The following GGA2 variants were observed in gnomAD, a reference collection of about 807,000 sequenced individuals.
GGA2 encodes golgi associated, gamma adaptin ear containing, ARF binding protein 2, also known as ADP-ribosylation factor-binding protein GGA2.
In GGA2, 48 loss-of-function variants were observed where a neutral mutation model predicts 79.5. That is an observed-to-expected ratio of 0.60 (90% CI 0.48 to 0.77). GGA2 has a LOEUF of 0.77. GGA2 is among the 30% of genes least tolerant of loss of function. The pLI, the probability that GGA2 is intolerant of heterozygous loss-of-function variation, is 0.00. For synonymous variants in GGA2, 317 were observed against 302.0 expected (o/e 1.05, Z -0.51); for missense variants, 770 against 774.0 (o/e 0.99, Z 0.06).
At chr16:23,474,629 C>G (rs1201048850) in intron 14 of GGA2, among the ~76,000 whole-genome samples, 1 of 151,542 alleles carries the variant, frequency 6.6e-6, no homozygotes, top group Non-Finnish European at 1.5e-5. Flanking sequence ...TTTTTTTCTT[C>G]CCCCCCAAAT....
chr16:23,469,128 G>A (rs1260001999), intron 15 of GGA2, 132 bp from the exon 16 acceptor site: 6 of 601,352 alleles, frequency 1.0e-5, no homozygotes, highest in Middle Eastern at 4.4e-4. Flanking sequence ...GTGGTACCCC[G>A]AGGCACCTAT....
chr16:23,515,743 C>T (rs1205721894), intron 2 of GGA2, among the ~76,000 whole-genome samples: 1 of 152,180 alleles, frequency 6.6e-6, no homozygotes, highest in Non-Finnish European at 1.5e-5. Context: ...ATCTACACTA[C>T]TGGCTCTCCA....
chr16:23,501,931 G>A (rs1377246994), intron 1 of GGA2, among the ~76,000 whole-genome samples: 2 of 152,112 alleles, frequency 1.3e-5, no homozygotes, highest in Admixed American at 1.3e-4. Flanking sequence ...CAACTCTTGG[G>A]GAGAAGGAGT....
At chr16:23,470,386 T>C (rs1964495021) in intron 14 of GGA2, among the ~76,000 whole-genome samples, 1 of 152,104 alleles carries the variant, frequency 6.6e-6, no homozygotes, top group South Asian at 2.1e-4. Flanking sequence ...CCAACCATCA[T>C]ACACACACCA....
chr16:23,522,095 C>A (rs757369494), upstream of GGA2: 10 of 296,844 alleles, frequency 3.4e-5, no homozygotes, highest in Non-Finnish European at 6.1e-5. Context: ...GAGGGTGAGG[C>A]TCATATAAGC....
chr16:23,471,348 A>T (rs1362181038), intron 14 of GGA2, among the ~76,000 whole-genome samples: 2 of 152,172 alleles, frequency 1.3e-5, no homozygotes, highest in Non-Finnish European at 2.9e-5. Flanking sequence ...TTAGCTAAGG[A>T]GTGACTCTAA....
chr16:23,486,670 C>T, intron 7 of GGA2, 40 bp downstream of exon 7: 2 of 1,150,792 alleles, frequency 1.7e-6, no homozygotes, highest in Non-Finnish European at 2.6e-6. Flanking sequence ...CAGCCTCTGT[C>T]AAATGCTACT....
At chr16:23,474,731 C>G (rs1373486783) in intron 14 of GGA2, among the ~76,000 whole-genome samples, 173 bp downstream of exon 14, 1 of 152,056 alleles carries the variant, frequency 6.6e-6, no homozygotes, top group Non-Finnish European at 1.5e-5. Flanking sequence ...GGATTACAGG[C>G]GTGAGTCACC....
In GGA2 at chr16:23,489,073, T is replaced by C. The variant is rs77455622; in HGVS notation, c.476-364A>G. On this transcript the variant is annotated intron_variant, in intron 5 of 16. Coordinates refer to ENST00000309859, the MANE Select transcript of GGA2 (RefSeq NM_015044.4). ...GAAGCTCCTGAAAATGCTGAGTGTA[T>C]GTGACAGGGAACAACAGTCCATCCT... Among the ~76,000 whole-genome samples, 675 of 152,258 alleles carry C rather than the reference T, an allele frequency of 4.4e-3. 3 individuals carry two copies. Among genetic ancestry groups the C allele is most frequent in the African/African-American group, 0.015 (622 of 41,528 alleles).
At chr16:23,497,709 T>C in intron 1 of GGA2, among the ~76,000 whole-genome samples, 1 of 152,302 alleles carries the variant, frequency 6.6e-6, no homozygotes, top group Non-Finnish European at 1.5e-5. Flanking sequence ...CCCGTCCCCA[T>C]AAAACAAAAG....
At position 23,468,929 on chromosome 16, in the gene GGA2, G is replaced by A. The variant is rs1964475285; in HGVS notation, c.1688C>T (p.Pro563Leu). 6.2e-7 allele frequency: 1 copy of A among 1,611,024 alleles called. No homozygotes were observed. The highest frequency in any genetic ancestry group is 2.2e-5 in the East Asian group (1 of 44,860). ...KLPAFSPLMP[P>L]AVISQMLLLD... is the part of the protein sequence containing the mutation. ...CAGCAGCATCTGAGATATCACAGCT[G>A]GAGGCATCAAAGGACTGAATGCAGG... is the stretch of plus-strand genomic sequence containing the variant. The change falls in exon 16 of 17, where the codon CCA (proline) becomes CTA (leucine). Residue 563 changes from proline to leucine, a missense_variant. Coordinates refer to ENST00000309859, the MANE Select transcript of GGA2 (RefSeq NM_015044.4).
At chr16:23,478,668 G>A (rs1166334164) in intron 12 of GGA2, 167 bp from the exon 13 acceptor site, 1 of 762,900 alleles carries the variant, frequency 1.3e-6, no homozygotes, top group Non-Finnish European at 2.3e-6. Context: ...TGCAGCTCCT[G>A]GGCAGACCTC....
chr16:23,499,143 A>AT (rs1241357208), intron 1 of GGA2, among the ~76,000 whole-genome samples: 1 of 94,420 alleles, frequency 1.1e-5, no homozygotes, highest in Non-Finnish European at 2.2e-5. Flanking sequence ...GACGGGCACC[A>AT]CCTTTTTTTT....
chr16:23,506,286 T>C lies in GGA2; in HGVS notation c.91+4035A>G, dbSNP rs1300484412. On this transcript the variant is annotated intron_variant, in intron 1 of 16. Coordinates refer to ENST00000309859, the MANE Select transcript of GGA2 (RefSeq NM_015044.4). ...ATCCCACGACCCCCTTATCCCTCCA[T>C]TGCAGCACCAATGGCCCACCATCCC... Among the ~76,000 whole-genome samples the C allele has an allele frequency of 4.6e-5, 7 of 152,056 alleles. 1 individual carries two copies. The highest frequency in any genetic ancestry group is 3.3e-4 in the Admixed American group (5 of 15,246).
rs1252603108 is a variant in GGA2, at chr16:23,488,631, A to C, written c.554T>G (p.Phe185Cys). 1.9e-6 allele frequency: 3 copies of C among 1,606,748 alleles called. No homozygotes were observed. The highest frequency in any genetic ancestry group is 2.6e-6 in the Non-Finnish European group (3 of 1,173,376). The change falls in exon 6 of 17, where the codon TTT (phenylalanine) becomes TGT (cysteine). Residue 185 changes from phenylalanine (F) to cysteine (C), a missense_variant. Coordinates refer to ENST00000309859, the MANE Select transcript of GGA2 (RefSeq NM_015044.4). ...CTTGGACTTTTCTTCATCAGCATCA[A>C]AGATGGAGCTCTTGGGCCAGGGAGA... is the stretch of plus-strand genomic sequence containing the variant. The part of the protein sequence containing the change: ...PPSPWPKSSI[F>C]DADEEKSKLL...
Position 23,493,387 on chromosome 16 carries a change from G to C in GGA2, c.324C>G (p.Asn108Lys). The C allele has an allele frequency of 6.2e-7, 1 of 1,609,046 alleles. No homozygotes were observed. The highest frequency in any genetic ancestry group is 8.5e-7 in the Non-Finnish European group (1 of 1,175,408). Reference protein sequence around the residue: ...HSEVAKFRFLNELIKVLSPKY... With the variant: ...HSEVAKFRFLKELIKVLSPKY... ...TTGGGGACAACACTTTGATCAGTTC[G>C]TTCAGGAAACGAAATTTGGCCACCT... Residue 108 changes from asparagine (N) to lysine (K), a missense_variant, in exon 4 of 17, where the codon AAC (asparagine) becomes AAG (lysine). Coordinates refer to ENST00000309859, the MANE Select transcript of GGA2 (RefSeq NM_015044.4).
At chr16:23,523,655 G>C (rs1235067699), upstream of GGA2, 1 of 152,326 alleles carries the variant, frequency 6.6e-6, no homozygotes, top group Admixed American at 6.5e-5. Context: ...CTGCCCAGCT[G>C]CTACGGGCTG....
rs1387149378 is a variant in GGA2 at position 23,472,439 on chromosome 16, C to T, written c.1451-2274G>A. Among the ~76,000 whole-genome samples, 4 of 151,760 alleles carry T rather than the reference C, an allele frequency of 2.6e-5. No individual in the cohort carries two copies. In the South Asian group the frequency reaches 8.4e-4, roughly 32 times the overall value. On this transcript the variant is annotated intron_variant, in intron 14 of 16. Coordinates refer to ENST00000309859, the MANE Select transcript of GGA2 (RefSeq NM_015044.4). ...TCTCAAACTCCTGACCTCAGGTGCT[C>T]CACCCACCTTGGCCTCCCAACGTGC...
At chr16:23,514,341 CA>C (rs1283471246), upstream of GGA2, among the ~76,000 whole-genome samples, 1 of 152,130 alleles carries the variant, frequency 6.6e-6, no homozygotes, top group Admixed American at 6.6e-5. Flanking sequence ...CTGCTGACCT[CA>C]AATGATCCGC....
Sources: gnomAD v4.1 joint callset for allele counts (sites outside exome capture counted in the v4.1 genomes callset) on GRCh38, gnomAD v4.1.1 for gene constraint, MANE v1.5 for transcripts, NCBI Gene and HGNC (gene_info 2026-07-23, HGNC 2026-07-21) for gene names.